SEL1L3: variants seen among roughly 807,000 people sequenced by gnomAD.
SEL1L3 encodes the protein protein sel-1 homolog 3.
A neutral mutation model predicts 142.8 loss-of-function variants in SEL1L3; 76 were observed. The ratio of observed to expected loss-of-function variants is 0.53; its 90% CI spans 0.44 to 0.64. The LOEUF (loss-of-function observed/expected upper bound fraction) is 0.64. Among genes scored for constraint, SEL1L3 ranks in the 30% least tolerant of loss-of-function variants. The pLI is 0.00. For missense variants in SEL1L3, 1,262 were observed against 1,381.7 expected, an observed-to-expected ratio of 0.91 and a Z score of 1.37; for synonymous variants, 504 against 519.6, an observed-to-expected ratio of 0.97 and a Z score of 0.41.
chr4:25,794,811 C>T (rs887208223), intron 11 of SEL1L3, among the ~76,000 whole-genome samples: 2 of 152,096 alleles, frequency 1.3e-5, no homozygotes, highest in Non-Finnish European at 2.9e-5. Context: ...AACCCAAATG[C>T]CCATCAGTGA....
intron 2 of SEL1L3, among the ~76,000 whole-genome samples, chr4:25,846,633 G>A (rs1474034951): frequency 6.6e-6 from 1 of 152,068 alleles, no homozygotes; most frequent in East Asian, 1.9e-4. Flanking sequence ...AGAGGCCCCG[G>A]CATGGTGGCT....
rs1181866939 is a variant in SEL1L3 at position 25,765,195 on chromosome 4, T to C, written c.2955+131A>G. 4.6e-6 allele frequency: 3 copies of C among 654,164 alleles called. No individual in the cohort carries two copies. In the East Asian group the frequency reaches 8.0e-5, roughly 17 times the overall value. The allele number at this position is 654,164 out of a possible 1,614,324, so 40.5% of individuals were successfully genotyped here. A position where few individuals can be genotyped will look rare whatever the true frequency, so the allele number is the denominator to read the frequency against. The stretch of plus-strand genomic sequence containing the variant: ...TTTTTGTAGAGATGGGGTTTCGCCA[T>C]GTTGCTCAGGCTGGTCCCGAATTCC... On this transcript the variant is annotated intron_variant, in intron 20 of 23. Transcript: ENST00000399878.
chr4:25,834,996 G>A (rs182421055), intron 3 of SEL1L3, among the ~76,000 whole-genome samples: 1 of 152,298 alleles, frequency 6.6e-6, no homozygotes, highest in East Asian at 1.9e-4. Context: ...ATTGAGGATT[G>A]TTAAATGCCA....
chr4:25,759,234 A>G, intron 20 of SEL1L3, 166 bp from the exon 21 acceptor site: 1 of 662,568 alleles, frequency 1.5e-6, no homozygotes. Flanking sequence ...AAATATATGC[A>G]TCTGAGAAAT....
At chr4:25,821,854 G>T in intron 7 of SEL1L3, 142 bp downstream of exon 7, 2 of 830,662 alleles carry the variant, frequency 2.4e-6, no homozygotes, top group Non-Finnish European at 3.6e-6. Flanking sequence ...TGGGGGAAAA[G>T]CCTCAATATT....
In SEL1L3 at chr4:25,804,765, C is replaced by T. The variant is rs747793538; in HGVS notation, c.1565-13G>A. Reference sequence around the variant, plus strand: ...TGGTTCCTTGGCACTGTAAATAACACAATTCAGAGCACACACAATTAATTA... The same window carrying T: ...TGGTTCCTTGGCACTGTAAATAACATAATTCAGAGCACACACAATTAATTA... On this transcript the variant is annotated splice_polypyrimidine_tract_variant and intron_variant, in intron 9 of 23. Transcript: ENST00000399878. 6.5e-6 allele frequency: 10 copies of T among 1,549,052 alleles called. No individual in the cohort carries two copies. Among genetic ancestry groups the T allele is most frequent in the Non-Finnish European group, 8.0e-6 (9 of 1,122,060 alleles).
At chr4:25,816,179 C>T (rs1209773193) in intron 9 of SEL1L3, among the ~76,000 whole-genome samples, 1 of 147,934 alleles carries the variant, frequency 6.8e-6, no homozygotes, top group African/African-American at 2.5e-5. Flanking sequence ...TATACATACA[C>T]ACATATGCAC....
the SEL1L3 span, among the ~76,000 whole-genome samples, chr4:25,724,607 T>C: frequency 2.7e-5 from 4 of 150,140 alleles, no homozygotes; most frequent in Admixed American, 2.0e-4. Flanking sequence ...GGTGTGGTGG[T>C]GGGCACCTGT....
At chr4:25,823,470 C>T (rs961191116) in intron 6 of SEL1L3, among the ~76,000 whole-genome samples, 8 of 152,018 alleles carry the variant, frequency 5.3e-5, no homozygotes, top group African/African-American at 1.2e-4. Context: ...GCTGAGATTG[C>T]GCCACTGCAC....
the SEL1L3 span, among the ~76,000 whole-genome samples, chr4:25,736,125 G>A: frequency 3.3e-5 from 5 of 151,896 alleles, no homozygotes; most frequent in East Asian, 1.9e-4. Context: ...CACCGTGCCC[G>A]GCCAGTATGT....
At chr4:25,784,912 T>A (rs1711682493) in intron 13 of SEL1L3, among the ~76,000 whole-genome samples, 2 of 152,216 alleles carry the variant, frequency 1.3e-5, no homozygotes, top group South Asian at 4.1e-4. Context: ...GTTCTTGTCA[T>A]AAGAGAGAAA....
chr4:25,856,039 G>C (rs1717231274), intron 1 of SEL1L3, among the ~76,000 whole-genome samples: 2 of 152,144 alleles, frequency 1.3e-5, no homozygotes, highest in Non-Finnish European at 2.9e-5. Flanking sequence ...TGGCACCTTG[G>C]CACCCACCTT....
chr4:25,845,785 C>A (rs759097112), intron 2 of SEL1L3, among the ~76,000 whole-genome samples: 15 of 152,176 alleles, frequency 9.9e-5, no homozygotes, highest in Non-Finnish European at 1.3e-4. Flanking sequence ...TCAGGCACTT[C>A]CTGTGGAAGG....
intron 11 of SEL1L3, among the ~76,000 whole-genome samples, chr4:25,793,241 G>A (rs1427154324): frequency 2.0e-5 from 3 of 152,198 alleles, no homozygotes; most frequent in African/African-American, 4.8e-5. Flanking sequence ...AAGTACTCAT[G>A]TATCTGGGTG....
rs187468108 is a variant in SEL1L3, at chr4:25,752,087, C to T, written c.3260-3523G>A. 2.9e-3 allele frequency among the ~76,000 whole-genome samples: 372 copies of T among 127,410 alleles called. 3 individuals are homozygous for T. The highest frequency in any genetic ancestry group is 0.011 in the African/African-American group (348 of 32,456). The allele number at this position is 127,410 out of a possible 152,430, so 83.6% of individuals were successfully genotyped here. A position where few individuals can be genotyped will look rare whatever the true frequency, so the allele number is the denominator to read the frequency against. On this transcript the variant is annotated intron_variant, in intron 23 of 23. Coordinates refer to ENST00000399878, the MANE Select transcript of SEL1L3 (RefSeq NM_015187.5). ...TCATGCTACTGCACTCCAGCTTGGG[C>T]GACAGAGTAAGACTCCATCTCAAAA...
chr4:25,862,811 C>A lies in SEL1L3; in HGVS notation c.26G>T (p.Gly9Val), dbSNP rs926533684. 27 of 1,153,168 alleles carry A rather than the reference C, an allele frequency of 2.3e-5. No homozygotes were observed. In the African/African-American group the frequency reaches 3.9e-4, roughly 17 times the overall value. 71.4% of individuals were successfully genotyped at this position (1,153,168 alleles called of 1,614,324 possible). The change falls in exon 1 of 24, where the codon GGG (glycine) becomes GTG (valine). Residue 9 changes from glycine to valine, a missense_variant. Physicochemically the swap from Gly to Val is moderately radical, Grantham distance 109. Coordinates refer to ENST00000399878, the MANE Select transcript of SEL1L3 (RefSeq NM_015187.5). ...TTGCTGCTGCTGCTGCCGCGGCCAC[C>A]CGAGCCCCGCGCCGCGCCGCTGCAT... MQRRGAGL[G>V]WPRQQQQQPP...
rs369382581 is a variant in SEL1L3 at position 25,765,313 on chromosome 4, G to T, written c.2955+13C>A. ...CCGGCCAAGAGCTGGTTTTTGTTGC[G>T]GTTGCTGTTTACCTGGGAGTCTCCA... On this transcript the variant is annotated intron_variant, in intron 20 of 23. Transcript: ENST00000399878. 1.3e-6 allele frequency: 2 copies of T among 1,564,232 alleles called. No homozygotes were observed. The highest frequency in any genetic ancestry group is 1.8e-6 in the Non-Finnish European group (2 of 1,134,920).
the SEL1L3 span, among the ~76,000 whole-genome samples, chr4:25,724,764 A>AG: frequency 2.5e-4 from 7 of 28,500 alleles, no homozygotes; most frequent in African/African-American, 6.0e-4. Flanking sequence ...AAAAAAAAAA[A>AG]AAAAAAAGGA....
intron 2 of SEL1L3, among the ~76,000 whole-genome samples, chr4:25,840,850 G>A (rs1033245060): frequency 6.6e-6 from 1 of 152,092 alleles, no homozygotes; most frequent in Admixed American, 6.6e-5. Context: ...GCTCTAGGCA[G>A]CCACCCCCAA....
Sources: gnomAD v4.1 joint callset for allele counts (sites outside exome capture counted in the v4.1 genomes callset) on GRCh38, gnomAD v4.1.1 for gene constraint, MANE v1.5 for transcripts, NCBI Gene and HGNC (gene_info 2026-07-23, HGNC 2026-07-21) for gene names.